Variants in VGLL3 observed in about 807,000 individuals in gnomAD.
VGLL3 encodes the protein transcription cofactor vestigial-like protein 3.
A neutral mutation model predicts 29.2 loss-of-function variants in VGLL3; 18 were observed. The observed-to-expected ratio is 0.62, with a 90% confidence interval of 0.43 to 0.91. The LOEUF (loss-of-function observed/expected upper bound fraction) is 0.91, where lower values mean the gene tolerates loss of function less well. VGLL3 is among the 40% of genes least tolerant of loss of function. The probability of loss-of-function intolerance (pLI) is 0.00; values close to 1 mark genes in which losing one functional copy is unlikely to be tolerated. For missense variants in VGLL3, 440 were observed against 413.2 expected (o/e 1.06, Z -0.56); for synonymous variants, 180 against 151.8 (o/e 1.19, Z -1.36).
chr3:86,985,273 T>C (rs1444274692), intron 1 of VGLL3, among the ~76,000 whole-genome samples: 1 of 152,200 alleles, frequency 6.6e-6, no homozygotes, highest in Admixed American at 6.5e-5. Flanking sequence ...ACATGGGTCA[T>C]CTAGCCCAAT....
At chr3:86,956,777 T>A (rs1575862893) in intron 3 of VGLL3, among the ~76,000 whole-genome samples, 1 of 114,976 alleles carries the variant, frequency 8.7e-6, no homozygotes, top group Non-Finnish European at 1.7e-5. Flanking sequence ...AGAGCGAGAC[T>A]CCGTCCCACC....
At chr3:86,951,756 C>T (rs918649932) in intron 3 of VGLL3, among the ~76,000 whole-genome samples, 57 of 151,160 alleles carry the variant, frequency 3.8e-4, no homozygotes, top group Non-Finnish European at 1.0e-4. Flanking sequence ...TAAAGCTCGC[C>T]TATGTTCCCC....
At chr3:86,956,928 T>C (rs1041294794) in intron 3 of VGLL3, among the ~76,000 whole-genome samples, 1 of 152,084 alleles carries the variant, frequency 6.6e-6, no homozygotes, top group Non-Finnish European at 1.5e-5. Flanking sequence ...AAGAAACTGA[T>C]TAGATTTGCA....
At chr3:86,966,651 GGA>G (rs1704965322) in intron 3 of VGLL3, among the ~76,000 whole-genome samples, 1 of 150,848 alleles carries the variant, frequency 6.6e-6, no homozygotes, top group Admixed American at 6.6e-5. Context: ...ACTTCAGCTT[GGA>G]CACATAACAA....
chr3:86,990,729 C>A lies in VGLL3; in HGVS notation c.15G>T (p.Glu5Asp). 1 of 1,417,416 alleles carries A rather than the reference C, an allele frequency of 7.1e-7. No individual in the cohort carries two copies. The highest frequency in any genetic ancestry group is 2.9e-5 in the Admixed American group (1 of 34,990). 87.8% of individuals were successfully genotyped at this position (1,417,416 alleles called of 1,614,324 possible). ...CATAAGGCTGGGGGTGATACATCAC[C>A]TCCGCACAACTCATGGCAGCCGGGG... MSCA[E>D]VMYHPQPYGA... The change falls in exon 1 of 4, where the codon GAG becomes GAT. Residue 5 changes from glutamate (E) to aspartate (D), a missense_variant. Physicochemically the swap from Glu to Asp is conservative, Grantham distance 45 (BLOSUM62 2). Coordinates refer to ENST00000398399, the MANE Select transcript of VGLL3 (RefSeq NM_016206.4).
intron 3 of VGLL3, among the ~76,000 whole-genome samples, chr3:86,964,149 T>C (rs1704912862): frequency 2.0e-5 from 3 of 152,150 alleles, no homozygotes; most frequent in Admixed American, 2.0e-4. Context: ...GAGAAATATA[T>C]AAAACTCAAA....
chr3:86,957,438 C>G (rs139419413), intron 3 of VGLL3, among the ~76,000 whole-genome samples: 1 of 152,136 alleles, frequency 6.6e-6, no homozygotes. Flanking sequence ...TCGTAATGAA[C>G]CATATCTCAG....
chr3:86,975,787 T>A (rs954345781), intron 2 of VGLL3, among the ~76,000 whole-genome samples: 10 of 152,092 alleles, frequency 6.6e-5, no homozygotes, highest in Admixed American at 2.0e-4. Context: ...GTGCTCCTGG[T>A]ATATGCTGAT....
intron 1 of VGLL3, 100 bp from the exon 2 acceptor site, chr3:86,978,902 C>T (rs1705268913): frequency 1.5e-6 from 2 of 1,306,494 alleles, no homozygotes; most frequent in South Asian, 3.2e-5. Context: ...TAAATATTAA[C>T]ATATGTTTGC....
chr3:86,959,344 A>G (rs1704791078), intron 3 of VGLL3, among the ~76,000 whole-genome samples: 1 of 152,176 alleles, frequency 6.6e-6, no homozygotes, highest in African/African-American at 2.4e-5. Context: ...ATTTATACAG[A>G]TTACTAATAT....
At chr3:86,976,407 A>G (rs1276502795) in intron 2 of VGLL3, among the ~76,000 whole-genome samples, 1 of 152,232 alleles carries the variant, frequency 6.6e-6, no homozygotes, top group Non-Finnish European at 1.5e-5. Context: ...TTTCTACCCT[A>G]AAAGCTCCAT....
chr3:86,985,208 TC>T (rs1250074911), intron 1 of VGLL3, among the ~76,000 whole-genome samples: 1 of 152,170 alleles, frequency 6.6e-6, no homozygotes, highest in Non-Finnish European at 1.5e-5. Flanking sequence ...GGCTGCCTCT[TC>T]TGATATTTAG....
At chr3:86,987,199 T>G (rs1349355531) in intron 1 of VGLL3, among the ~76,000 whole-genome samples, 1 of 152,186 alleles carries the variant, frequency 6.6e-6, no homozygotes, top group Non-Finnish European at 1.5e-5. Context: ...AAAGAAGAGT[T>G]GAAGTTATGT....
intron 2 of VGLL3, among the ~76,000 whole-genome samples, chr3:86,977,233 G>T (rs1705227643): frequency 6.6e-6 from 1 of 152,016 alleles, no homozygotes; most frequent in Non-Finnish European, 1.5e-5. Context: ...GAGGAGAAGA[G>T]GCAAACAGGG....
intron 1 of VGLL3, among the ~76,000 whole-genome samples, chr3:86,982,393 G>A (rs939397634): frequency 6.6e-6 from 1 of 151,464 alleles, no homozygotes; most frequent in African/African-American, 2.4e-5. Flanking sequence ...TGATTTACCC[G>A]CCTCAGCCTC....
chr3:86,967,937 T>G (rs973791898), intron 3 of VGLL3, among the ~76,000 whole-genome samples: 15 of 152,140 alleles, frequency 9.9e-5, no homozygotes, highest in Admixed American at 6.5e-4. Context: ...AATATAAATT[T>G]TATAGTAGTC....
chr3:86,957,462 A>G (rs1704746692), intron 3 of VGLL3, among the ~76,000 whole-genome samples: 1 of 152,204 alleles, frequency 6.6e-6, no homozygotes, highest in South Asian at 2.1e-4. Context: ...CAGAACCATG[A>G]GAGTTTTCAT....
Position 86,943,238 on chromosome 3 carries a change from C to T in VGLL3, c.*3786G>A, listed in dbSNP as rs1411221271. On this transcript the variant is annotated 3_prime_UTR_variant, in exon 4 of 4. Transcript: ENST00000398399. ...TCTAACATATATACTTTCCTTTTTC[C>T]ACCACTTAACGCCACTGCCCCCATC... 1 of 152,058 alleles carries T rather than the reference C, an allele frequency of 6.6e-6. No homozygotes were observed. Among genetic ancestry groups the T allele is most frequent in the African/African-American group, 2.4e-5 (1 of 41,398 alleles). The allele number at this position is 152,058 out of a possible 1,614,324, so 9.4% of individuals were successfully genotyped here. A position where few individuals can be genotyped will look rare whatever the true frequency, so the allele number is the denominator to read the frequency against.
At chr3:86,977,525 G>A (rs113551339) in intron 2 of VGLL3, among the ~76,000 whole-genome samples, 1,817 of 152,254 alleles carry the variant, frequency 0.012, 22 homozygotes, top group South Asian at 0.036. Flanking sequence ...CAATAGATTC[G>A]AGATAAGGGG....
Sources: allele counts gnomAD v4.1 joint callset (sites outside exome capture counted in the v4.1 genomes callset), GRCh38; gene constraint gnomAD v4.1.1; transcripts MANE v1.5; gene names NCBI Gene and HGNC (gene_info 2026-07-23, HGNC 2026-07-21).